The following TEAD1 variants were observed in gnomAD, a reference collection of about 807,000 sequenced individuals.
TEAD1 encodes the protein TEA domain transcription factor 1.
Under a neutral mutation model 54.9 loss-of-function variants are expected in TEAD1, and 9 were observed. That is an observed-to-expected ratio of 0.16 (90% CI 0.10 to 0.29). The LOEUF (loss-of-function observed/expected upper bound fraction) is 0.29. Ranked by LOEUF, TEAD1 falls within the 10% of genes least tolerant of loss-of-function variation. The probability of loss-of-function intolerance (pLI) is 1.00; values close to 1 mark genes in which losing one functional copy is unlikely to be tolerated. For synonymous variants in TEAD1, 200 were observed against 187.8 expected, an observed-to-expected ratio of 1.07 and a Z score of -0.53; for missense variants, 387 against 535.9, an observed-to-expected ratio of 0.72 and a Z score of 2.74.
At chr11:12,716,335 C>T (rs535005916) in intron 2 of TEAD1, among the ~76,000 whole-genome samples, 34 of 151,992 alleles carry the variant, frequency 2.2e-4, no homozygotes, top group South Asian at 8.3e-4. Flanking sequence ...TAGGAGTTCA[C>T]GGGGGGGTTC....
At chr11:12,677,603 C>T (rs11826781) in intron 2 of TEAD1, among the ~76,000 whole-genome samples, 4,376 of 152,134 alleles carry the variant, frequency 0.029, 219 homozygotes, top group African/African-American at 0.1. Context: ...TACAGAGCAA[C>T]AATTATGAGG....
At chr11:12,704,432 C>T (rs1340963567) in intron 2 of TEAD1, among the ~76,000 whole-genome samples, 3 of 152,170 alleles carry the variant, frequency 2.0e-5, no homozygotes, top group East Asian at 1.9e-4. Context: ...GCCTTTTTGC[C>T]TCTGTGCCTT....
At chr11:12,803,561 G>C (rs1946107119) in intron 3 of TEAD1, among the ~76,000 whole-genome samples, 1 of 152,212 alleles carries the variant, frequency 6.6e-6, no homozygotes, top group African/African-American at 2.4e-5. Context: ...CTCCATGCCA[G>C]CTGTGTGGCC....
chr11:12,813,993 A>G (rs1355418596), intron 3 of TEAD1, among the ~76,000 whole-genome samples: 1 of 152,080 alleles, frequency 6.6e-6, no homozygotes, highest in Non-Finnish European at 1.5e-5. Context: ...TGCAAGGAGG[A>G]TGTTTCTTTC....
At chr11:12,709,358 AC>A (rs1292600448) in intron 2 of TEAD1, among the ~76,000 whole-genome samples, 2 of 147,568 alleles carry the variant, frequency 1.4e-5, no homozygotes, top group East Asian at 1.9e-4. Flanking sequence ...AAAAAAAAAA[AC>A]CAGAATAATT....
At chr11:12,699,800 C>T (rs941416337) in intron 2 of TEAD1, among the ~76,000 whole-genome samples, 2 of 152,152 alleles carry the variant, frequency 1.3e-5, no homozygotes, top group Non-Finnish European at 2.9e-5. Context: ...AGTTGAAGAT[C>T]GATGACATGT....
rs1240580058 is a variant in TEAD1, at chr11:12,781,971, AGAAAG to A, written c.202+17538_202+17542del. Reference sequence around the variant, plus strand: ...CTGTACAAAAAAAAAAAAAAAAAAAAGAAAGAAAAAAAGAAAAAGAAAAAAAAAAT... The same window carrying A: ...CTGTACAAAAAAAAAAAAAAAAAAAAAAAAAAAGAAAAAGAAAAAAAAAAT... On this transcript the variant is annotated intron_variant, in intron 3 of 12. Transcript: ENST00000527636. Among the ~76,000 whole-genome samples, 1,268 of 134,008 alleles carry A rather than the reference AGAAAG, an allele frequency of 9.5e-3. 84 individuals carry two copies. Among genetic ancestry groups the A allele is most frequent in the African/African-American group, 0.044 (1,181 of 27,102 alleles). 87.9% of individuals were successfully genotyped at this position (134,008 alleles called of 152,430 possible). A position where few individuals can be genotyped will look rare whatever the true frequency, so the allele number is the denominator to read the frequency against.
At chr11:12,901,859 C>T in intron 9 of TEAD1, 81 bp from the exon 10 acceptor site, 2 of 1,570,430 alleles carry the variant, frequency 1.3e-6, no homozygotes, top group South Asian at 1.1e-5. Flanking sequence ...GGTACTACTG[C>T]TCTTTATCCA....
chr11:12,804,461 C>A (rs532752902), intron 3 of TEAD1, among the ~76,000 whole-genome samples: 1 of 152,324 alleles, frequency 6.6e-6, no homozygotes, highest in East Asian at 1.9e-4. Context: ...TTAATTTTAT[C>A]TACTGTGTTG....
chr11:12,795,459 TGCA>T (rs1945895756), intron 3 of TEAD1, among the ~76,000 whole-genome samples: 1 of 152,140 alleles, frequency 6.6e-6, no homozygotes, highest in African/African-American at 2.4e-5. Flanking sequence ...CATACATGGG[TGCA>T]GGTTTAAAGA....
At chr11:12,880,424 T>C (rs1445313013) in intron 6 of TEAD1, among the ~76,000 whole-genome samples, 2 of 152,226 alleles carry the variant, frequency 1.3e-5, no homozygotes, top group Non-Finnish European at 2.9e-5. Context: ...GGGATCATAG[T>C]GGAATGGATA....
At chr11:12,778,159 TA>T (rs1295135490) in intron 3 of TEAD1, among the ~76,000 whole-genome samples, 1 of 152,194 alleles carries the variant, frequency 6.6e-6, no homozygotes, top group Non-Finnish European at 1.5e-5. Flanking sequence ...AGAGGTTTAG[TA>T]AGTTGCCCTG....
At chr11:12,787,605 G>A (rs1440286) in intron 3 of TEAD1, among the ~76,000 whole-genome samples, 65,458 of 152,020 alleles carry the variant, frequency 0.43, 14,604 homozygotes, top group South Asian at 0.61. Flanking sequence ...TTTGTTTTCT[G>A]ATCTTTAAAA....
chr11:12,736,697 T>G (rs2043661968), intron 2 of TEAD1, among the ~76,000 whole-genome samples: 2 of 152,194 alleles, frequency 1.3e-5, no homozygotes, highest in Non-Finnish European at 1.5e-5. Context: ...AGCTGGAACC[T>G]AAGCTTTTGA....
chr11:12,731,572 T>A (rs1488555617), intron 2 of TEAD1, among the ~76,000 whole-genome samples: 2 of 152,346 alleles, frequency 1.3e-5, no homozygotes, highest in East Asian at 3.9e-4. Context: ...ATAACAATTT[T>A]AAAATAGGAT....
At chr11:12,782,348 T>G (rs1024910776) in intron 3 of TEAD1, among the ~76,000 whole-genome samples, 1 of 152,106 alleles carries the variant, frequency 6.6e-6, no homozygotes. Flanking sequence ...GAAAAGAAGA[T>G]TCATGAAAGA....
chr11:12,872,173 A>AT (rs1473093035), intron 5 of TEAD1, among the ~76,000 whole-genome samples: 2 of 152,306 alleles, frequency 1.3e-5, no homozygotes, highest in East Asian at 3.9e-4. Context: ...CTGCTGAATC[A>AT]TGTTTGTATC....
intron 3 of TEAD1, among the ~76,000 whole-genome samples, chr11:12,790,852 A>T (rs1012385397): frequency 2.6e-5 from 4 of 152,242 alleles, no homozygotes; most frequent in Non-Finnish European, 4.4e-5. Context: ...GGTCAGAAAG[A>T]CAATAACAAG....
intron 10 of TEAD1, 83 bp downstream of exon 10, chr11:12,902,196 C>T: frequency 6.3e-7 from 1 of 1,574,984 alleles, no homozygotes. Flanking sequence ...GCACAGCTGG[C>T]TTTGGATTTA....
Sources: gnomAD v4.1 joint callset for allele counts (sites outside exome capture counted in the v4.1 genomes callset) on GRCh38, gnomAD v4.1.1 for gene constraint, MANE v1.5 for transcripts, NCBI Gene and HGNC (gene_info 2026-07-23, HGNC 2026-07-21) for gene names.